SPIDR: variants seen among roughly 807,000 people sequenced by gnomAD.
The protein encoded by SPIDR is DNA repair-scaffolding protein.
In SPIDR, 93 loss-of-function variants were observed where a neutral mutation model predicts 104.6. The observed-to-expected ratio is 0.89, with a 90% CI of 0.75 to 1.06. SPIDR has a LOEUF of 1.06. Among genes scored for constraint, SPIDR ranks in the 50% least tolerant of loss-of-function variants. The pLI is 0.00. For missense variants in SPIDR, 1,154 were observed against 1,111.2 expected (o/e 1.04, Z -0.55); for synonymous variants, 431 against 416.9 (o/e 1.03, Z -0.41).
chr8:47,493,040 T>A (rs142222611), intron 8 of SPIDR, among the ~76,000 whole-genome samples: 8 of 60,346 alleles, frequency 1.3e-4, no homozygotes, highest in East Asian at 1.2e-3. Flanking sequence ...AGAGAGAGAG[T>A]GAGTGTGTGT....
At chr8:47,410,447 C>CCATCTT (rs2063351503) in intron 7 of SPIDR, among the ~76,000 whole-genome samples, 1 of 152,200 alleles carries the variant, frequency 6.6e-6, no homozygotes, top group Non-Finnish European at 1.5e-5. Flanking sequence ...TCCCAAAGTG[C>CCATCTT]TGGGATTACA....
chr8:47,532,065 A>ATTT (rs34728107), intron 8 of SPIDR, among the ~76,000 whole-genome samples: 3 of 119,608 alleles, frequency 2.5e-5, no homozygotes, highest in African/African-American at 6.1e-5. Flanking sequence ...GTCAGAGTGG[A>ATTT]TTTTTTTTTT....
At chr8:47,319,834 T>C (rs928926226) in intron 5 of SPIDR, among the ~76,000 whole-genome samples, 4 of 151,782 alleles carry the variant, frequency 2.6e-5, no homozygotes, top group Non-Finnish European at 5.9e-5. Context: ...AACAACCTGC[T>C]CCTGAATGAC....
Position 47,348,784 on chromosome 8 carries a change from G to A in SPIDR, c.526-47592G>A, listed in dbSNP as rs377507844. On this transcript the variant is annotated intron_variant, in intron 5 of 19. Transcript: ENST00000297423. ...ATGCGTCACGTAGTTCTCGTGCCGT[G>A]GCTTTCAGCTCCATCAGTTCATTTA... 3.3e-5 allele frequency among the ~76,000 whole-genome samples: 5 copies of A among 152,094 alleles called. 1 individual carries two copies. The East Asian group carries it at 9.6e-4, about 29-fold the overall frequency.
chr8:47,388,760 A>G (rs944128979), intron 5 of SPIDR, among the ~76,000 whole-genome samples: 4 of 152,226 alleles, frequency 2.6e-5, no homozygotes, highest in Non-Finnish European at 4.4e-5. Context: ...GGACAGAGAC[A>G]TATTTGTTCT....
In SPIDR at chr8:47,635,258, C is replaced by T. The variant is rs549490471; in HGVS notation, c.1544+36062C>T. Among the ~76,000 whole-genome samples, 3 of 152,160 alleles carry T rather than the reference C, an allele frequency of 2.0e-5. No homozygotes were observed. The East Asian group carries it at 5.8e-4, about 29-fold the overall frequency. On this transcript the variant is annotated intron_variant, in intron 10 of 19. Transcript: ENST00000297423. ...ACTCGGGAGGCTGAGGCCCAAGAATCGCTTGAACCTGGGAGGTGGAGGTTG... is the reference window on the plus strand; with the variant it reads ...ACTCGGGAGGCTGAGGCCCAAGAATTGCTTGAACCTGGGAGGTGGAGGTTG...
chr8:47,431,155 C>G (rs1413963084), intron 7 of SPIDR, among the ~76,000 whole-genome samples: 3 of 152,196 alleles, frequency 2.0e-5, no homozygotes, highest in South Asian at 2.1e-4. Context: ...AGGCAGTCGC[C>G]TTCTTGCTGT....
At chr8:47,310,497 G>A (rs587763979) in intron 5 of SPIDR, among the ~76,000 whole-genome samples, 2 of 152,258 alleles carry the variant, frequency 1.3e-5, no homozygotes, top group South Asian at 2.1e-4. Flanking sequence ...TATAAAAAAA[G>A]TATGTGAAAG....
At chr8:47,481,411 C>T (rs1309365004) in intron 8 of SPIDR, among the ~76,000 whole-genome samples, 1 of 152,076 alleles carries the variant, frequency 6.6e-6, no homozygotes, top group African/African-American at 2.4e-5. Flanking sequence ...CCGAGGTGGG[C>T]AGATCACTTG....
intron 12 of SPIDR, among the ~76,000 whole-genome samples, chr8:47,701,043 G>C (rs2080103854): frequency 6.6e-6 from 1 of 152,068 alleles, no homozygotes; most frequent in South Asian, 2.1e-4. Flanking sequence ...TGCTGCTTTG[G>C]GCCAGAGGTC....
chr8:47,410,372 G>T (rs1356581857), intron 7 of SPIDR, among the ~76,000 whole-genome samples: 1 of 151,644 alleles, frequency 6.6e-6, no homozygotes, highest in Non-Finnish European at 1.5e-5. Context: ...GTTGAGATGG[G>T]GTTTCGCCAT....
intron 8 of SPIDR, among the ~76,000 whole-genome samples, chr8:47,554,555 G>A (rs187520904): frequency 4.6e-4 from 70 of 152,326 alleles, no homozygotes; most frequent in Middle Eastern, 3.4e-3. Context: ...TGAGCCATGC[G>A]CGGGATATAA....
chr8:47,674,044 A>C, intron 11 of SPIDR, 103 bp downstream of exon 11: 1 of 1,398,426 alleles, frequency 7.2e-7, no homozygotes, highest in East Asian at 2.5e-5. Context: ...GCAATAAACC[A>C]GGATCCTAGA....
intron 4 of SPIDR, 111 bp downstream of exon 4, chr8:47,291,248 T>G (rs2039847035): frequency 1.6e-6 from 1 of 624,942 alleles, no homozygotes; most frequent in African/African-American, 1.8e-5. Flanking sequence ...CCAGTTTCTG[T>G]TAAATATTGG....
At chr8:47,687,644 T>C (rs758234868) in intron 11 of SPIDR, among the ~76,000 whole-genome samples, 3 of 152,232 alleles carry the variant, frequency 2.0e-5, no homozygotes, top group Non-Finnish European at 4.4e-5. Context: ...ACCACTGTAA[T>C]TCAATAAACA....
chr8:47,561,171 C>T (rs1429059246), intron 8 of SPIDR, among the ~76,000 whole-genome samples: 1 of 152,206 alleles, frequency 6.6e-6, no homozygotes, highest in Non-Finnish European at 1.5e-5. Flanking sequence ...TTAATGACTT[C>T]CTCCATGGCG....
chr8:47,633,140 A>G (rs950054403), intron 10 of SPIDR, among the ~76,000 whole-genome samples: 26 of 152,280 alleles, frequency 1.7e-4, no homozygotes, highest in African/African-American at 6.3e-4. Context: ...AATACAAGTA[A>G]TACTTTCATT....
At chr8:47,398,290 A>G (rs1185204784) in intron 6 of SPIDR, among the ~76,000 whole-genome samples, 2 of 152,176 alleles carry the variant, frequency 1.3e-5, no homozygotes, top group Admixed American at 6.5e-5. Flanking sequence ...CTTGCCAAGC[A>G]CTGTTCATGC....
intron 10 of SPIDR, among the ~76,000 whole-genome samples, chr8:47,654,426 A>T (rs908097987): frequency 2.0e-5 from 3 of 152,204 alleles, no homozygotes; most frequent in Non-Finnish European, 4.4e-5. Flanking sequence ...AGACTCAGTG[A>T]CTGGGAGAAC....
Sources: gnomAD v4.1 joint callset for allele counts (sites outside exome capture counted in the v4.1 genomes callset) on GRCh38, gnomAD v4.1.1 for gene constraint, MANE v1.5 for transcripts, NCBI Gene and HGNC (gene_info 2026-07-23, HGNC 2026-07-21) for gene names.